Variants in SNRNP200 observed in about 807,000 individuals in gnomAD.
The protein encoded by SNRNP200 is U5 small nuclear ribonucleoprotein 200 kDa helicase.
SNRNP200 carries 66 observed loss-of-function variants against 255.2 expected under a neutral mutation model. That is an observed-to-expected ratio of 0.26 (90% confidence interval 0.21 to 0.32). SNRNP200 has a LOEUF of 0.32. Ranked by LOEUF, SNRNP200 falls within the 10% of genes least tolerant of loss-of-function variation. The probability of loss-of-function intolerance (pLI) is 1.00; values close to 1 mark genes in which losing one functional copy is unlikely to be tolerated. For missense variants in SNRNP200, 1,585 were observed against 2,749.8 expected (o/e 0.58, Z 9.47); for synonymous variants, 939 against 1,027.8 (o/e 0.91, Z 1.65).
At position 96,287,379 on chromosome 2, in the gene SNRNP200, A is replaced by G. The variant is rs2063850427; in HGVS notation, c.3484+60T>C. ...ACAGGCCTAGGAACAGGAAGACTAC[A>G]TAGGCAAACTGGGAGAGACACCCAG... is the stretch of plus-strand genomic sequence containing the variant. On this transcript the variant is annotated intron_variant, in intron 26 of 44. Transcript: ENST00000323853. This position sits in a 1 kb window ranked among gnomAD's most constrained non-coding sequence, Gnocchi z 5.7. 2 of 1,312,582 alleles carry G rather than the reference A, an allele frequency of 1.5e-6. No homozygotes were observed. The highest frequency in any genetic ancestry group is 2.3e-5 in the East Asian group (1 of 43,474). 81.3% of individuals were successfully genotyped at this position (1,312,582 alleles called of 1,614,324 possible).
intron 30 of SNRNP200, 78 bp downstream of exon 30, chr2:96,285,102 G>T: frequency 6.5e-7 from 1 of 1,543,638 alleles, no homozygotes. Flanking sequence ...GCAAATTTCA[G>T]GGCTTAGAAA....
intron 13 of SNRNP200, among the ~76,000 whole-genome samples, chr2:96,295,861 G>A (rs1250012774): frequency 1.3e-5 from 2 of 152,110 alleles, no homozygotes; most frequent in African/African-American, 4.8e-5. Flanking sequence ...AAAGATCTCT[G>A]GGGGCCAGGC....
intron 5 of SNRNP200, 60 bp downstream of exon 5, chr2:96,300,938 G>T: frequency 7.3e-7 from 1 of 1,377,212 alleles, no homozygotes; most frequent in Admixed American, 1.7e-5. Context: ...CACTAGAAGG[G>T]GTCCCTTTAC....
chr2:96,296,754 C>A, intron 12 of SNRNP200, 63 bp from the exon 13 acceptor site: 1 of 1,586,496 alleles, frequency 6.3e-7, no homozygotes, highest in South Asian at 1.1e-5. Context: ...CCCTAACTTC[C>A]ATGGGCTTAT....
rs1169851633 is a variant in SNRNP200 at position 96,283,336 on chromosome 2, C to T, written c.4780G>A (p.Glu1594Lys). The part of the protein sequence containing the change: ...IQRQRFLHCT[E>K]KDLIPYLEKL... Reference sequence around the variant, plus strand: ...TCCAGGTACGGAATCAGATCCTTCTCGGTGCAGTGCAAGAACCTGTGCGGT... The same window carrying T: ...TCCAGGTACGGAATCAGATCCTTCTTGGTGCAGTGCAAGAACCTGTGCGGT... Residue 1594 changes from glutamate to lysine, a missense_variant, in exon 34 of 45, where the codon GAG becomes AAG. By Grantham distance (56) the Glu-to-Lys change is moderately conservative. Transcript: ENST00000323853. The surrounding 1 kb of genome is among the most constrained non-coding windows in gnomAD (Gnocchi z 4.7). The T allele has an allele frequency of 5.6e-6, 9 of 1,614,162 alleles. No individual in the cohort carries two copies. The highest frequency in any genetic ancestry group is 2.2e-5 in the East Asian group (1 of 44,882).
chr2:96,275,410 G>A, intron 43 of SNRNP200, 61 bp from the exon 44 acceptor site: 1 of 1,371,612 alleles, frequency 7.3e-7, no homozygotes, highest in South Asian at 1.2e-5. Context: ...AGGCAACCAT[G>A]AAAATGGTAC....
In SNRNP200 at chr2:96,289,820, G is replaced by C. The variant is rs2063873191; in HGVS notation, c.2919C>G (p.Asp973Glu). 6.2e-7 allele frequency: 1 copy of C among 1,614,162 alleles called. No individual in the cohort carries two copies. The highest frequency in any genetic ancestry group is 8.5e-7 in the Non-Finnish European group (1 of 1,180,042). ...GCACCTGGAAGTTGCCCGTCTTCTT[G>C]TCGTACTTGACCAGATTGTTCTTGT... ...MLDKNNLVKY[D>E]KKTGNFQVTE... Residue 973 changes from aspartate to glutamate, a missense_variant, in exon 21 of 45, where the codon GAC becomes GAG. Physicochemically the swap from Asp to Glu is conservative, Grantham distance 45. Around this residue, in one of 9 missense-constraint regions of SNRNP200, gnomAD observed 719 missense variants for 1,091.1 expected, o/e 0.66. Transcript: ENST00000323853.
intron 2 of SNRNP200, 112 bp downstream of exon 2, chr2:96,304,590 AATT>A: frequency 1.4e-6 from 2 of 1,410,348 alleles, no homozygotes; most frequent in Non-Finnish European, 2.0e-6. Context: ...ACCTTCACTG[AATT>A]GTTTTAATGC....
intron 3 of SNRNP200, 145 bp from the exon 4 acceptor site, chr2:96,301,861 G>C (rs2063954555): frequency 2.4e-6 from 2 of 827,044 alleles, no homozygotes; most frequent in Non-Finnish European, 4.0e-6. Context: ...CATTAATGCT[G>C]ATGCCACAAC....
rs773813738 is a variant in SNRNP200, at chr2:96,286,999, G to A, written c.3639+7C>T. 1 of 1,614,178 alleles carries A rather than the reference G, an allele frequency of 6.2e-7. No individual in the cohort carries two copies. Among genetic ancestry groups the A allele is most frequent in the South Asian group, 1.1e-5 (1 of 91,088 alleles). The stretch of plus-strand genomic sequence containing the variant: ...CAATCCAGCACCTCTGCCCAGCAAA[G>A]CCTCACCTTTTCATCCCACTGGAAG... On this transcript the variant is annotated splice_region_variant and intron_variant, in intron 27 of 44. Transcript: ENST00000323853. The surrounding 1 kb of genome is among the most constrained non-coding windows in gnomAD (Gnocchi z 4.8).
At chr2:96,292,251 T>A (rs1324470793) in intron 16 of SNRNP200, among the ~76,000 whole-genome samples, 1 of 152,188 alleles carries the variant, frequency 6.6e-6, no homozygotes, top group Non-Finnish European at 1.5e-5. Context: ...GTCTGCAAAA[T>A]AACAACTAAA....
At position 96,298,889 on chromosome 2, in the gene SNRNP200, G is replaced by T. The variant is rs886056466; in HGVS notation, c.808C>A (p.Arg270=). The change falls in exon 7 of 45, where the codon CGG becomes AGG. Residue 270 remains arginine (R), a synonymous_variant. Transcript: ENST00000323853. ...TCATCATAGAAACGACTGAGCTGCC[G>T]CTGCAGCCAAAATGCATCAATATCC... ...PRDIDAFWLQ[R]QLSRFYDDAI... is the part of the protein sequence containing the mutation. 1.2e-6 allele frequency: 2 copies of T among 1,614,096 alleles called. No individual in the cohort carries two copies. The highest frequency in any genetic ancestry group is 4.5e-5 in the East Asian group (2 of 44,884).
At chr2:96,285,047 G>C in intron 30 of SNRNP200, 133 bp downstream of exon 30, 1 of 1,101,796 alleles carries the variant, frequency 9.1e-7, no homozygotes, top group Non-Finnish European at 1.4e-6. Context: ...ACCACGCTTG[G>C]CTGGGGCAGC....
At chr2:96,295,739 A>T (rs1005278106) in intron 13 of SNRNP200, 81 bp from the exon 14 acceptor site, 2 of 1,469,058 alleles carry the variant, frequency 1.4e-6, no homozygotes, top group South Asian at 2.3e-5. Context: ...ATTGGAGTGT[A>T]GGGCATTGGG....
intron 14 of SNRNP200, among the ~76,000 whole-genome samples, chr2:96,294,672 T>C (rs1203558026): frequency 6.6e-6 from 1 of 152,212 alleles, no homozygotes; most frequent in African/African-American, 2.4e-5. Flanking sequence ...CAACTTAAAC[T>C]ATACTCAGAC....
chr2:96,282,786 C>T, intron 34 of SNRNP200: 1 of 308,060 alleles, frequency 3.2e-6, no homozygotes, highest in South Asian at 3.0e-5. Context: ...CACCATGTTT[C>T]ATGTACAGCC....
At chr2:96,303,802 A>C (rs1319896606) in intron 2 of SNRNP200, among the ~76,000 whole-genome samples, 1 of 151,748 alleles carries the variant, frequency 6.6e-6, no homozygotes, top group Non-Finnish European at 1.5e-5. Flanking sequence ...AGGCAGGAGA[A>C]TCGCTTGAAC....
chr2:96,276,549 G>T, intron 43 of SNRNP200: 1 of 346,842 alleles, frequency 2.9e-6, no homozygotes, highest in South Asian at 2.3e-5. Flanking sequence ...AACCTCCTGA[G>T]TAGCTGGGAC....
In SNRNP200 at chr2:96,290,819, C is replaced by T. The variant is rs2104349589; in HGVS notation, c.2422-4G>A. On this transcript the variant is annotated splice_region_variant and splice_polypyrimidine_tract_variant and intron_variant, in intron 18 of 44. Coordinates refer to ENST00000323853, the MANE Select transcript of SNRNP200 (RefSeq NM_014014.5). The surrounding 1 kb of genome is among the most constrained non-coding windows in gnomAD (Gnocchi z 4.5). ...GAGTTGCTGTGGAAACTAAAACCTA[C>T]AGAGGCAAAACAAGGTAATGAGGAG... The T allele has an allele frequency of 6.2e-7, 1 of 1,614,150 alleles. No individual in the cohort carries two copies. Among genetic ancestry groups the T allele is most frequent in the Non-Finnish European group, 8.5e-7 (1 of 1,180,018 alleles).
Sources: gnomAD v4.1 joint callset for allele counts (sites outside exome capture counted in the v4.1 genomes callset) on GRCh38, gnomAD v4.1.1 for gene constraint, gnomAD v4.1.1 regional missense constraint, Gnocchi (gnomAD v3.1) non-coding constraint, MANE v1.5 for transcripts, NCBI Gene and HGNC (gene_info 2026-07-23, HGNC 2026-07-21) for gene names.